The following PELP1 variants were observed in gnomAD, a reference collection of about 807,000 sequenced individuals.
The protein encoded by PELP1 is proline-, glutamic acid- and leucine-rich protein 1.
In PELP1, 32 loss-of-function variants were observed where a neutral mutation model predicts 95.5. The ratio of observed to expected loss-of-function variants is 0.34; its 90% CI spans 0.25 to 0.45. The LOEUF (loss-of-function observed/expected upper bound fraction) is 0.45, where lower values mean the gene tolerates loss of function less well. Ranked by LOEUF, PELP1 falls within the 20% of genes least tolerant of loss-of-function variation. PELP1 has a pLI of 1.00. For missense variants in PELP1, 1,358 were observed against 1,444.8 expected, an observed-to-expected ratio of 0.94 and a Z score of 0.97; for synonymous variants, 668 against 600.1, an observed-to-expected ratio of 1.11 and a Z score of -1.65.
At chr17:4,685,792 T>TAAAAAAAAA (rs750825796) in intron 3 of PELP1, among the ~76,000 whole-genome samples, 35,093 of 118,276 alleles carry the variant, frequency 0.3, 5,009 homozygotes, top group Middle Eastern at 0.47. Flanking sequence ...AACCATGTCT[T>TAAAAAAAAA]AAAAAAAAAA....
Position 4,672,905 on chromosome 17 carries a change from G to T in PELP1, c.2086C>A (p.Pro696Thr). 1 of 1,613,576 alleles carries T rather than the reference G, an allele frequency of 6.2e-7. No individual in the cohort carries two copies. The highest frequency in any genetic ancestry group is 8.5e-7 in the Non-Finnish European group (1 of 1,179,692). Residue 696 changes from proline to threonine, a missense_variant, in exon 16 of 17, where the codon CCC becomes ACC. Physicochemically the swap from Pro to Thr is conservative, Grantham distance 38 (BLOSUM62 -1). Coordinates refer to ENST00000572293, the MANE Select transcript of PELP1 (RefSeq NM_014389.3). ...AGPMPSAGPV[P>T]SARPGPPTTA... ...GTGGGAGGTCCAGGGCGTGCCGAGG[G>T]CACAGGGCCTGCTGAGGGCATGGGG...
intron 1 of PELP1, among the ~76,000 whole-genome samples, chr17:4,700,992 T>TAAAAAAA (rs34278447): frequency 2.7e-4 from 8 of 29,408 alleles, no homozygotes; most frequent in South Asian, 1.9e-3. Flanking sequence ...AAAGTTCCAC[T>TAAAAAAA]AAAAAAAAAA....
intron 1 of PELP1, among the ~76,000 whole-genome samples, chr17:4,701,634 G>A (rs906331839): frequency 6.6e-6 from 1 of 152,192 alleles, no homozygotes; most frequent in Non-Finnish European, 1.5e-5. Context: ...GTTGGTAGGT[G>A]GATGATCAAA....
At chr17:4,685,364 A>G (rs1394392925) in intron 3 of PELP1, among the ~76,000 whole-genome samples, 2 of 152,118 alleles carry the variant, frequency 1.3e-5, no homozygotes, top group Non-Finnish European at 2.9e-5. Flanking sequence ...CAGTCTCCTT[A>G]GTCAGTTCAT....
chr17:4,682,033 C>A (rs949001919), intron 5 of PELP1, among the ~76,000 whole-genome samples: 1 of 151,354 alleles, frequency 6.6e-6, no homozygotes, highest in Non-Finnish European at 1.5e-5. Flanking sequence ...TGGTGGCACA[C>A]GCCTTAGTCC....
At position 4,695,714 on chromosome 17, in the gene PELP1, C is replaced by CA. The variant is rs1400852581; in HGVS notation, c.250-4273dup. Among the ~76,000 whole-genome samples the CA allele has an allele frequency of 8.1e-5, 12 of 147,942 alleles. 1 individual carries two copies. In the Middle Eastern group the frequency reaches 0.018, roughly 220 times the overall value. ...AAAAATCTGGCAGGGGGCAGTGATT[C>CA]ACGCCTGTAATCCCAGCACTTGGGG... On this transcript the variant is annotated intron_variant, in intron 1 of 16. Coordinates refer to ENST00000572293, the MANE Select transcript of PELP1 (RefSeq NM_014389.3).
intron 1 of PELP1, among the ~76,000 whole-genome samples, chr17:4,695,052 G>A (rs1417244723): frequency 6.6e-6 from 1 of 151,840 alleles, no homozygotes. Context: ...GCCAGGCACC[G>A]TGGCTCATGC....
intron 1 of PELP1, among the ~76,000 whole-genome samples, chr17:4,702,148 G>A (rs1913564005): frequency 6.6e-6 from 1 of 152,212 alleles, no homozygotes; most frequent in African/African-American, 2.4e-5. Context: ...GCAAGGCATG[G>A]TGGCCCGTGC....
rs1053120603 is a variant in PELP1, at chr17:4,670,576, A to G, written c.*863T>C. 4.1e-4 allele frequency: 62 copies of G among 152,440 alleles called. No homozygotes were observed. Among genetic ancestry groups the G allele is most frequent in the African/African-American group, 1.4e-3 (60 of 41,572 alleles). The allele number at this position is 152,440 out of a possible 1,614,324, so 9.4% of individuals were successfully genotyped here. A position where few individuals can be genotyped will look rare whatever the true frequency, so the allele number is the denominator to read the frequency against. ...CACCTCTACTAAAAATACAAAAATT[A>G]GCCAGGCAGTGGCAGGCGCCTGTAA... On this transcript the variant is annotated 3_prime_UTR_variant, in exon 17 of 17. Coordinates refer to ENST00000572293, the MANE Select transcript of PELP1 (RefSeq NM_014389.3).
intron 3 of PELP1, among the ~76,000 whole-genome samples, chr17:4,684,107 C>T (rs1912819894): frequency 6.6e-6 from 1 of 152,018 alleles, no homozygotes; most frequent in Non-Finnish European, 1.5e-5. Flanking sequence ...AAAAGGACTT[C>T]CTTAGAAAAT....
Position 4,673,255 on chromosome 17 carries a change from G to T in PELP1, c.1840C>A (p.Leu614Ile), listed in dbSNP as rs1396511005. 1 of 1,569,880 alleles carries T rather than the reference G, an allele frequency of 6.4e-7. No individual in the cohort carries two copies. Among genetic ancestry groups the T allele is most frequent in the Admixed American group, 1.9e-5 (1 of 52,678 alleles). Residue 614 changes from leucine to isoleucine, a missense_variant, in exon 15 of 17, where the codon CTT (leucine) becomes ATT (isoleucine). Around this residue, in one of 7 missense-constraint regions of PELP1, gnomAD observed 18 missense variants for 39.0 expected, o/e 0.46. Coordinates refer to ENST00000572293, the MANE Select transcript of PELP1 (RefSeq NM_014389.3). The surrounding 1 kb of genome is among the most constrained non-coding windows in gnomAD (Gnocchi z 5.7). ...GCTTGGCCCATCACAGTTACCTCAA[G>T]GCTATCTTCTCGCTGGCCGAGGGAG... ...AFSLGQREDS[L>I]EVSSFCSEAL... is the part of the protein sequence containing the mutation.
At chr17:4,676,635 T>C (rs541553300) in intron 6 of PELP1, 118 bp downstream of exon 6, 1 of 1,401,842 alleles carries the variant, frequency 7.1e-7, no homozygotes, top group East Asian at 2.3e-5. Context: ...GATGGGACAA[T>C]GAGGCCGAAG....
rs1430759998 is a variant in PELP1 at position 4,671,233 on chromosome 17, A to G, written c.*206T>C. 8.4e-6 allele frequency: 5 copies of G among 595,672 alleles called. No individual in the cohort carries two copies. The highest frequency in any genetic ancestry group is 1.5e-5 in the Non-Finnish European group (5 of 334,736). The allele number at this position is 595,672 out of a possible 1,614,324, so 36.9% of individuals were successfully genotyped here. A position where few individuals can be genotyped will look rare whatever the true frequency, so the allele number is the denominator to read the frequency against. ...ATCGTGCTGAGTGATGGGACAGTCC[A>G]TTACACCAATGTCAGTTGTTCCTCT... On this transcript the variant is annotated 3_prime_UTR_variant, in exon 17 of 17. Coordinates refer to ENST00000572293, the MANE Select transcript of PELP1 (RefSeq NM_014389.3).
chr17:4,682,621 A>C, intron 4 of PELP1, 48 bp from the exon 5 acceptor site: 1 of 1,520,032 alleles, frequency 6.6e-7, no homozygotes, highest in Non-Finnish European at 9.1e-7. Context: ...GCACCATGTC[A>C]CCATATTCCA....
chr17:4,689,991 A>C (rs1414579230), intron 3 of PELP1, among the ~76,000 whole-genome samples: 2 of 151,944 alleles, frequency 1.3e-5, no homozygotes, highest in African/African-American at 2.4e-5. Flanking sequence ...GCGCCACTGC[A>C]CTCCAGCCTG....
At chr17:4,685,738 A>C (rs1237710793) in intron 3 of PELP1, among the ~76,000 whole-genome samples, 2 of 151,062 alleles carry the variant, frequency 1.3e-5, no homozygotes, top group African/African-American at 4.9e-5. Flanking sequence ...GGCTGCAGTC[A>C]GCCATGATCA....
Position 4,671,252 on chromosome 17 carries a change from T to C in PELP1, c.*187A>G, listed in dbSNP as rs1249640904. ...CAGTCCATTACACCAATGTCAGTTG[T>C]TCCTCTCTGGATCGTCAAAAAGAGG... is the stretch of plus-strand genomic sequence containing the variant. On this transcript the variant is annotated 3_prime_UTR_variant, in exon 17 of 17. Transcript: ENST00000572293. The C allele has an allele frequency of 3.3e-6, 2 of 600,866 alleles. No individual in the cohort carries two copies. Among genetic ancestry groups the C allele is most frequent in the Non-Finnish European group, 5.9e-6 (2 of 337,162 alleles). 37.2% of individuals were successfully genotyped at this position (600,866 alleles called of 1,614,324 possible).
At position 4,690,941 on chromosome 17, in the gene PELP1, G is replaced by C. The variant is rs754982597; in HGVS notation, c.367C>G (p.Leu123Val). 2 of 1,613,938 alleles carry C rather than the reference G, an allele frequency of 1.2e-6. No homozygotes were observed. Among genetic ancestry groups the C allele is most frequent in the East Asian group, 4.5e-5 (2 of 44,886 alleles). ...SLLVGESPTE[L>V]FQQHCVSWLR... ...CAAGACACACAGTGCTGCTGGAATA[G>C]CTCTGTGGGGCTCTCCCCTACCAGC... Residue 123 changes from leucine (L) to valine (V), a missense_variant, in exon 3 of 17, where the codon CTA becomes GTA. Transcript: ENST00000572293.
intron 16 of PELP1, 24 bp from the exon 17 acceptor site, chr17:4,671,555 T>C: frequency 6.2e-7 from 1 of 1,613,002 alleles, no homozygotes; most frequent in East Asian, 2.2e-5. Flanking sequence ...AGATACAAGA[T>C]TCAGAATAGT....
Sources: gnomAD v4.1 joint callset for allele counts (sites outside exome capture counted in the v4.1 genomes callset) on GRCh38, gnomAD v4.1.1 for gene constraint, gnomAD v4.1.1 regional missense constraint, Gnocchi (gnomAD v3.1) non-coding constraint, MANE v1.5 for transcripts, NCBI Gene and HGNC (gene_info 2026-07-23, HGNC 2026-07-21) for gene names.